COL19A1: variants seen among roughly 807,000 people sequenced by gnomAD.
COL19A1 encodes collagen type XIX alpha 1 chain, also known as collagen alpha-1(XIX) chain.
COL19A1 carries 159 observed loss-of-function variants against 190.2 expected under a neutral mutation model. The ratio of observed to expected loss-of-function variants is 0.84; its 90% CI spans 0.73 to 0.95. The LOEUF (loss-of-function observed/expected upper bound fraction) is 0.95, where lower values mean the gene tolerates loss of function less well. Ranked by LOEUF, COL19A1 falls within the 40% of genes least tolerant of loss-of-function variation. COL19A1 has a pLI of 0.00. For missense variants in COL19A1, 1,418 were observed against 1,431.9 expected (o/e 0.99, Z 0.16); for synonymous variants, 509 against 458.9 (o/e 1.11, Z -1.39).
intron 17 of COL19A1, 82 bp from the exon 18 acceptor site, chr6:70,130,100 G>T (rs1785431292): frequency 6.8e-7 from 1 of 1,467,128 alleles, no homozygotes; most frequent in South Asian, 1.2e-5. Flanking sequence ...ACTATTATCT[G>T]ACTGCTTATA....
intron 17 of COL19A1, among the ~76,000 whole-genome samples, chr6:70,127,914 C>T (rs1236143968): frequency 6.6e-6 from 1 of 152,122 alleles, no homozygotes; most frequent in African/African-American, 2.4e-5. Context: ...GAGAATGACA[C>T]TCAGAGAGGA....
At chr6:70,027,985 G>T (rs1352303700) in intron 12 of COL19A1, among the ~76,000 whole-genome samples, 1 of 152,038 alleles carries the variant, frequency 6.6e-6, no homozygotes, top group Non-Finnish European at 1.5e-5. Context: ...ACCATGGAAT[G>T]ATAATTTCAA....
chr6:70,045,856 C>T (rs1020436981), intron 14 of COL19A1, among the ~76,000 whole-genome samples: 3 of 152,178 alleles, frequency 2.0e-5, no homozygotes, highest in African/African-American at 4.8e-5. Flanking sequence ...TGAGCCTGTC[C>T]TCAGACTAAA....
intron 12 of COL19A1, among the ~76,000 whole-genome samples, chr6:70,025,421 G>A (rs1309252529): frequency 1.3e-5 from 2 of 152,204 alleles, no homozygotes; most frequent in African/African-American, 2.4e-5. Context: ...AAAGTCTGAC[G>A]AGGCCTGAAG....
chr6:69,948,682 G>A (rs761815398), intron 9 of COL19A1, among the ~76,000 whole-genome samples: 1 of 151,762 alleles, frequency 6.6e-6, no homozygotes, highest in African/African-American at 2.4e-5. Flanking sequence ...TTAGGGCAAC[G>A]TGAAGGAACT....
At chr6:69,876,897 T>C (rs1768162903) in intron 1 of COL19A1, among the ~76,000 whole-genome samples, 1 of 152,222 alleles carries the variant, frequency 6.6e-6, no homozygotes, top group African/African-American at 2.4e-5. Flanking sequence ...GAAATAAGGC[T>C]TAAAACCAGC....
intron 4 of COL19A1, among the ~76,000 whole-genome samples, chr6:69,918,703 C>T (rs1011555592): frequency 3.3e-5 from 5 of 151,458 alleles, no homozygotes; most frequent in South Asian, 4.2e-4. Context: ...GAGACCCTGC[C>T]GCAAAAAAAT....
intron 42 of COL19A1, among the ~76,000 whole-genome samples, chr6:70,179,095 A>G (rs3793065): frequency 0.015 from 2,202 of 151,808 alleles, 79 homozygotes; most frequent in East Asian, 0.13. Flanking sequence ...ACATCTTCCC[A>G]CTCAGGCCCC....
intron 2 of COL19A1, among the ~76,000 whole-genome samples, chr6:69,880,168 T>C (rs150124432): frequency 4.6e-5 from 7 of 152,340 alleles, no homozygotes; most frequent in Non-Finnish European, 1.0e-4. Flanking sequence ...TTGAACTAAA[T>C]AGACAATATT....
intron 4 of COL19A1, among the ~76,000 whole-genome samples, chr6:69,919,868 T>A (rs975481126): frequency 1.3e-5 from 2 of 152,114 alleles, no homozygotes; most frequent in African/African-American, 4.8e-5. Flanking sequence ...GGTTGGGAGT[T>A]CTAGACTTTT....
chr6:69,956,332 G>A (rs747911162), intron 9 of COL19A1, among the ~76,000 whole-genome samples: 3 of 151,622 alleles, frequency 2.0e-5, no homozygotes, highest in Non-Finnish European at 4.4e-5. Flanking sequence ...GCCGCATTAA[G>A]GATCCAAAAA....
At chr6:70,062,200 C>T (rs1362795227) in intron 14 of COL19A1, among the ~76,000 whole-genome samples, 3 of 151,986 alleles carry the variant, frequency 2.0e-5, no homozygotes, top group Non-Finnish European at 4.4e-5. Context: ...TTTGGGGGAA[C>T]AGTGAGAACT....
intron 9 of COL19A1, among the ~76,000 whole-genome samples, chr6:69,950,077 TA>T (rs1223522708): frequency 6.6e-6 from 1 of 151,904 alleles, no homozygotes; most frequent in Non-Finnish European, 1.5e-5. Flanking sequence ...CATACTTCAA[TA>T]AATTAAGTGA....
intron 11 of COL19A1, among the ~76,000 whole-genome samples, chr6:69,984,341 A>G (rs1037593969): frequency 1.3e-5 from 2 of 152,030 alleles, no homozygotes; most frequent in African/African-American, 2.4e-5. Flanking sequence ...TTACCTTGGT[A>G]TTGTTAATAT....
At chr6:69,993,242 T>C (rs955189791) in intron 11 of COL19A1, among the ~76,000 whole-genome samples, 3 of 152,168 alleles carry the variant, frequency 2.0e-5, no homozygotes, top group Non-Finnish European at 1.5e-5. Flanking sequence ...TAGTCCTGTT[T>C]ATGTGATGAA....
Position 70,142,181 on chromosome 6 carries a change from C to A in COL19A1, c.1572+105C>A, listed in dbSNP as rs79063536. 1.2e-5 allele frequency: 12 copies of A among 969,700 alleles called. No individual in the cohort carries two copies. In the East Asian group the frequency reaches 2.9e-4, roughly 23 times the overall value. The allele number at this position is 969,700 out of a possible 1,614,324, so 60.1% of individuals were successfully genotyped here. ...ATGCCACTCATTTTCTTCACAAATG[C>A]TCTCCAAGACTTTATCCTGTTTCCA... On this transcript the variant is annotated intron_variant, in intron 22 of 50. Transcript: ENST00000620364.
chr6:70,124,622 G>A (rs1313688830), intron 17 of COL19A1, among the ~76,000 whole-genome samples: 1 of 151,114 alleles, frequency 6.6e-6, no homozygotes, highest in Non-Finnish European at 1.5e-5. Flanking sequence ...TAACAAACCA[G>A]TACTTTGAAC....
At chr6:70,038,331 G>A (rs940082443) in intron 14 of COL19A1, among the ~76,000 whole-genome samples, 2 of 152,204 alleles carry the variant, frequency 1.3e-5, no homozygotes, top group African/African-American at 4.8e-5. Flanking sequence ...TGTGGGACCA[G>A]TATATTTTAA....
chr6:70,190,413 T>G (rs572784949), intron 48 of COL19A1, 32 bp downstream of exon 48: 2 of 1,406,568 alleles, frequency 1.4e-6, no homozygotes, highest in East Asian at 2.3e-5. Context: ...TTTCGAATTT[T>G]TCACTGATTC....
Sources: gnomAD v4.1 joint callset for allele counts (sites outside exome capture counted in the v4.1 genomes callset) on GRCh38, gnomAD v4.1.1 for gene constraint, MANE v1.5 for transcripts, NCBI Gene and HGNC (gene_info 2026-07-23, HGNC 2026-07-21) for gene names.